The following TFAP2D variants were observed in gnomAD, a reference collection of about 807,000 sequenced individuals.
TFAP2D encodes the protein transcription factor AP-2-delta.
Under a neutral mutation model 43.6 loss-of-function variants are expected in TFAP2D, and 9 were observed. The ratio of observed to expected loss-of-function variants is 0.21; its 90% confidence interval spans 0.12 to 0.36. TFAP2D has a LOEUF of 0.36. Ranked by LOEUF, TFAP2D falls within the 10% of genes least tolerant of loss-of-function variation. TFAP2D has a pLI of 1.00. For synonymous variants in TFAP2D, 256 were observed against 224.9 expected (o/e 1.14, Z -1.24); for missense variants, 513 against 561.4 (o/e 0.91, Z 0.87).
chr6:50,770,671 G>A (rs1769514592), intron 7 of TFAP2D, among the ~76,000 whole-genome samples: 1 of 152,048 alleles, frequency 6.6e-6, no homozygotes, highest in Non-Finnish European at 1.5e-5. Context: ...TTAATAGGCT[G>A]CCTTAAACCC....
chr6:50,717,841 G>A lies in TFAP2D; in HGVS notation c.538-1249G>A, dbSNP rs558759738. On this transcript the variant is annotated intron_variant, in intron 2 of 7. Coordinates refer to ENST00000008391, the MANE Select transcript of TFAP2D (RefSeq NM_172238.4). ...AACAAGAAATGGGGAGGGAGTGTGT[G>A]GGAGAAACCCGTCTCTCTCCTTTTA... Among the ~76,000 whole-genome samples, 49 of 152,310 alleles carry A rather than the reference G, an allele frequency of 3.2e-4. No individual in the cohort carries two copies. The Middle Eastern group carries it at 0.01, about 32-fold the overall frequency.
intron 7 of TFAP2D, among the ~76,000 whole-genome samples, chr6:50,764,685 G>A (rs910585322): frequency 6.6e-6 from 1 of 152,216 alleles, no homozygotes; most frequent in African/African-American, 2.4e-5. Context: ...CCTCCTGGAG[G>A]TGACTAATAC....
intron 5 of TFAP2D, among the ~76,000 whole-genome samples, chr6:50,730,161 G>A (rs1228298324): frequency 1.3e-5 from 2 of 152,100 alleles, no homozygotes; most frequent in East Asian, 3.9e-4. Context: ...TGTCTATATG[G>A]CACTGTAGGA....
At chr6:50,724,637 C>T (rs1471448795) in intron 3 of TFAP2D, among the ~76,000 whole-genome samples, 3 of 152,046 alleles carry the variant, frequency 2.0e-5, no homozygotes, top group Admixed American at 6.5e-5. Flanking sequence ...CTCCAGGGAC[C>T]CGCGGCTCCT....
rs535431406 is a variant in TFAP2D, at chr6:50,722,123, G to C, written c.598+2973G>C. Among the ~76,000 whole-genome samples the C allele has an allele frequency of 2.6e-5, 4 of 152,256 alleles. No individual in the cohort carries two copies. In the South Asian group the frequency reaches 8.3e-4, roughly 32 times the overall value. On this transcript the variant is annotated intron_variant, in intron 3 of 7. Coordinates refer to ENST00000008391, the MANE Select transcript of TFAP2D (RefSeq NM_172238.4). Reference sequence around the variant, plus strand: ...ATAGCCAAAGAATGCGTGAAAGAGGGGGCAGCAGCTAGGTAATTACCACCT... The same window carrying C: ...ATAGCCAAAGAATGCGTGAAAGAGGCGGCAGCAGCTAGGTAATTACCACCT...
Position 50,751,408 on chromosome 6 carries a change from C to T in TFAP2D, c.1139+84C>T, listed in dbSNP as rs867915486. The T allele has an allele frequency of 2.0e-4, 189 of 929,088 alleles. No individual in the cohort carries two copies. In the Middle Eastern group the frequency reaches 5.2e-3, roughly 25 times the overall value. 57.6% of individuals were successfully genotyped at this position (929,088 alleles called of 1,614,324 possible). ...ATCACAGTTCTATTTAGAGATACCA[C>T]TTATATGTTTATATGGTGACTGTCC... On this transcript the variant is annotated intron_variant, in intron 7 of 7. Coordinates refer to ENST00000008391, the MANE Select transcript of TFAP2D (RefSeq NM_172238.4).
At chr6:50,721,076 C>T (rs1193338372) in intron 3 of TFAP2D, among the ~76,000 whole-genome samples, 1 of 152,196 alleles carries the variant, frequency 6.6e-6, no homozygotes. Flanking sequence ...AAGGCCAAAG[C>T]TCTTAGGTAT....
intron 7 of TFAP2D, among the ~76,000 whole-genome samples, chr6:50,751,670 A>G (rs543024048): frequency 6.6e-6 from 1 of 151,972 alleles, no homozygotes; most frequent in East Asian, 1.9e-4. Context: ...AATCCTATTC[A>G]TGAGGGTTCT....
At chr6:50,737,086 T>C (rs1343626953) in intron 5 of TFAP2D, among the ~76,000 whole-genome samples, 4 of 151,750 alleles carry the variant, frequency 2.6e-5, no homozygotes, top group Non-Finnish European at 5.9e-5. Flanking sequence ...ACTCAAGGGG[T>C]CTTCCTGCCT....
rs112829025 is a variant in TFAP2D, at chr6:50,722,977, G to C, written c.598+3827G>C. ...GCGAAGAGGGAGCGGACCCGGCCATGGGCAGGCAGGAGCGCTTTCCTGATT... is the reference window on the plus strand; with the variant it reads ...GCGAAGAGGGAGCGGACCCGGCCATCGGCAGGCAGGAGCGCTTTCCTGATT... On this transcript the variant is annotated intron_variant, in intron 3 of 7. Transcript: ENST00000008391. Among the ~76,000 whole-genome samples, 864 of 152,336 alleles carry C rather than the reference G, an allele frequency of 5.7e-3. 3 individuals are homozygous for C. The highest frequency in any genetic ancestry group is 0.031 in the Middle Eastern group (9 of 294).
intron 7 of TFAP2D, among the ~76,000 whole-genome samples, chr6:50,762,438 C>G (rs1007602221): frequency 6.6e-6 from 1 of 151,926 alleles, no homozygotes; most frequent in Non-Finnish European, 1.5e-5. Flanking sequence ...AATGGCTACT[C>G]TACCCAGTGG....
At chr6:50,746,172 G>A (rs1010155275) in intron 6 of TFAP2D, among the ~76,000 whole-genome samples, 4 of 152,104 alleles carry the variant, frequency 2.6e-5, no homozygotes, top group South Asian at 4.1e-4. Context: ...AGAACTGATA[G>A]TTTCAGCTGG....
At chr6:50,746,586 C>T (rs1339340545) in intron 6 of TFAP2D, among the ~76,000 whole-genome samples, 1 of 152,128 alleles carries the variant, frequency 6.6e-6, no homozygotes, top group Non-Finnish European at 1.5e-5. Flanking sequence ...GTATTAAAAA[C>T]ATCACTTCTT....
chr6:50,715,321 ACCCGGCCGT>A lies in TFAP2D; in HGVS notation c.247_255del (p.Pro83_Val85del). On this transcript the variant is annotated inframe_deletion, in exon 2 of 8. Transcript: ENST00000008391. ...TTCCATTACGAGTTTCAGCACAGCCACCCGGCCGTCACCCCCGACGCCTACTCTCTGAAC... is the reference window on the plus strand; with the variant it reads ...TTCCATTACGAGTTTCAGCACAGCCACACCCCCGACGCCTACTCTCTGAAC... 1 of 1,613,750 alleles carries A rather than the reference ACCCGGCCGT, an allele frequency of 6.2e-7. No individual in the cohort carries two copies. The highest frequency in any genetic ancestry group is 1.1e-5 in the South Asian group (1 of 91,042).
chr6:50,769,734 C>A (rs1769498587), intron 7 of TFAP2D, among the ~76,000 whole-genome samples: 1 of 152,134 alleles, frequency 6.6e-6, no homozygotes, highest in Admixed American at 6.5e-5. Context: ...GAAAAATGTA[C>A]CCTCAGCCTG....
chr6:50,742,631 T>TA lies in TFAP2D; in HGVS notation c.884-2476_884-2475insA, dbSNP rs759871002. Among the ~76,000 whole-genome samples, 506 of 142,428 alleles carry TA rather than the reference T, an allele frequency of 3.6e-3. 2 individuals are homozygous for TA. Among genetic ancestry groups the TA allele is most frequent in the Middle Eastern group, 7.2e-3 (2 of 278 alleles). 93.4% of individuals were successfully genotyped at this position (142,428 alleles called of 152,430 possible). A position where few individuals can be genotyped will look rare whatever the true frequency, so the allele number is the denominator to read the frequency against. On this transcript the variant is annotated intron_variant, in intron 5 of 7. Transcript: ENST00000008391. ...ATAGATAGATAGATAGATAGATAGA[T>TA]GATAGATAGATAGACTCTGTTAAAA...
intron 5 of TFAP2D, among the ~76,000 whole-genome samples, chr6:50,730,470 G>T (rs1732942685): frequency 1.3e-5 from 2 of 151,912 alleles, no homozygotes; most frequent in Non-Finnish European, 2.9e-5. Flanking sequence ...ATGGTAGATG[G>T]CTTTAACCTA....
chr6:50,736,345 G>C (rs1333841923), intron 5 of TFAP2D, among the ~76,000 whole-genome samples: 1 of 152,112 alleles, frequency 6.6e-6, no homozygotes, highest in Non-Finnish European at 1.5e-5. Flanking sequence ...CTTGGAGACA[G>C]TTTTGCATAG....
intron 2 of TFAP2D, among the ~76,000 whole-genome samples, chr6:50,716,554 C>T (rs556220236): frequency 3.3e-5 from 5 of 152,152 alleles, no homozygotes; most frequent in Non-Finnish European, 7.4e-5. Flanking sequence ...GATCTCTCTT[C>T]TACTTTATTT....
Sources: allele counts gnomAD v4.1 joint callset (sites outside exome capture counted in the v4.1 genomes callset), GRCh38; gene constraint gnomAD v4.1.1; transcripts MANE v1.5; gene names NCBI Gene and HGNC (gene_info 2026-07-23, HGNC 2026-07-21).